RIN2: variants seen among roughly 807,000 people sequenced by gnomAD.
RIN2 encodes the protein Ras and Rab interactor 2.
RIN2 carries 36 observed loss-of-function variants against 78.0 expected under a neutral mutation model. The ratio of observed to expected loss-of-function variants is 0.46; its 90% CI spans 0.35 to 0.61. The LOEUF is 0.61. RIN2 is among the 20% of genes least tolerant of loss of function. The pLI is 0.00. For synonymous variants in RIN2, 466 were observed against 466.8 expected, an observed-to-expected ratio of 1.00 and a Z score of 0.02; for missense variants, 1,087 against 1,159.7, an observed-to-expected ratio of 0.94 and a Z score of 0.91.
rs867832112 is a variant in RIN2 at position 20,002,304 on chromosome 20, C to T, written c.*1368C>T. On this transcript the variant is annotated 3_prime_UTR_variant, in exon 13 of 13. Coordinates refer to ENST00000255006, the MANE Select transcript of RIN2 (RefSeq NM_018993.4). The stretch of plus-strand genomic sequence containing the variant: ...TCATCTCATTTGGTTGGCTTTGTAC[C>T]TTGTACCTTTTTTAGCCTTGGCTTT... 6.5e-6 allele frequency: 1 copy of T among 152,702 alleles called. No homozygotes were observed. Among genetic ancestry groups the T allele is most frequent in the Non-Finnish European group, 1.5e-5 (1 of 68,030 alleles). The allele number at this position is 152,702 out of a possible 1,614,324, so 9.5% of individuals were successfully genotyped here. A position where few individuals can be genotyped will look rare whatever the true frequency, so the allele number is the denominator to read the frequency against.
chr20:19,797,982 G>T (rs1164766528), intron 1 of RIN2, among the ~76,000 whole-genome samples: 1 of 151,070 alleles, frequency 6.6e-6, no homozygotes, highest in South Asian at 2.1e-4. Context: ...CTCCTGAGTA[G>T]CTGGGACTAC....
intron 4 of RIN2, chr20:19,935,591 T>C (rs2040606892): frequency 1.0e-6 from 1 of 998,428 alleles, no homozygotes; most frequent in Non-Finnish European, 1.2e-6. Context: ...GAGGATGGAC[T>C]CATTTTGCAT....
chr20:19,931,709 C>CTTTTTTTTT (rs57734791), intron 3 of RIN2, among the ~76,000 whole-genome samples: 6 of 128,126 alleles, frequency 4.7e-5, no homozygotes, highest in African/African-American at 8.9e-5. Context: ...CTCGATTTGC[C>CTTTTTTTTT]TTTTTTTTTT....
intron 1 of RIN2, among the ~76,000 whole-genome samples, chr20:19,781,514 G>A (rs191012203): frequency 7.9e-5 from 12 of 152,232 alleles, no homozygotes; most frequent in Admixed American, 2.6e-4. Context: ...TGCAACCCCC[G>A]TCTTCTGGGT....
At chr20:19,826,342 T>A (rs2036089338) in intron 2 of RIN2, among the ~76,000 whole-genome samples, 1 of 151,848 alleles carries the variant, frequency 6.6e-6, no homozygotes, top group Admixed American at 6.6e-5. Context: ...CATGAACTAT[T>A]TCATTCAATA....
At chr20:19,842,276 G>A (rs1272076681) in intron 2 of RIN2, among the ~76,000 whole-genome samples, 1 of 150,992 alleles carries the variant, frequency 6.6e-6, no homozygotes. Flanking sequence ...AGGCTGGAGT[G>A]TAGTGGTGCG....
chr20:19,837,169 A>AC (rs1491093860), intron 2 of RIN2, among the ~76,000 whole-genome samples: 4,062 of 140,092 alleles, frequency 0.029, 66 homozygotes, highest in African/African-American at 0.055. Flanking sequence ...CGCCCCCCCC[A>AC]ACACACACAC....
At chr20:19,925,900 G>A (rs1015222368) in intron 3 of RIN2, among the ~76,000 whole-genome samples, 1 of 152,118 alleles carries the variant, frequency 6.6e-6, no homozygotes, top group Non-Finnish European at 1.5e-5. Context: ...CACACACACA[G>A]GTGACCATCA....
intron 2 of RIN2, chr20:19,871,890 T>C (rs1030186067): frequency 1.3e-5 from 2 of 152,228 alleles, no homozygotes; most frequent in Non-Finnish European, 2.9e-5. Context: ...TTGTGGACTC[T>C]TAAGTTATTT....
intron 4 of RIN2, among the ~76,000 whole-genome samples, chr20:19,945,606 C>G (rs186183222): frequency 1.2e-3 from 181 of 152,306 alleles, no homozygotes; most frequent in African/African-American, 4.1e-3. Context: ...TCTCCAATGT[C>G]TGGTATTGGT....
At chr20:19,831,984 T>A (rs1195053553) in intron 2 of RIN2, among the ~76,000 whole-genome samples, 1 of 152,128 alleles carries the variant, frequency 6.6e-6, no homozygotes, top group African/African-American at 2.4e-5. Context: ...ATAATAATAA[T>A]GATAGCAGAT....
chr20:19,851,833 G>C (rs939582020), intron 2 of RIN2, among the ~76,000 whole-genome samples: 1 of 152,134 alleles, frequency 6.6e-6, no homozygotes, highest in Non-Finnish European at 1.5e-5. Context: ...AGTCCCAGTA[G>C]AACTACCTAA....
chr20:19,845,574 A>AT (rs58960543), intron 2 of RIN2, among the ~76,000 whole-genome samples: 1,749 of 138,764 alleles, frequency 0.013, 12 homozygotes, highest in Non-Finnish European at 0.015. Context: ...CTACTTTTTG[A>AT]TTTTTTTTTT....
intron 2 of RIN2, among the ~76,000 whole-genome samples, chr20:19,840,770 C>T (rs536874682): frequency 5.3e-5 from 8 of 152,288 alleles, no homozygotes; most frequent in South Asian, 4.1e-4. Context: ...ATGCATGTTC[C>T]ACAAGCTCCT....
intron 3 of RIN2, among the ~76,000 whole-genome samples, chr20:19,921,661 G>A (rs563372771): frequency 1.3e-5 from 2 of 152,268 alleles, no homozygotes; most frequent in African/African-American, 4.8e-5. Flanking sequence ...AGGAAGGCTG[G>A]GGGTGTCCTA....
intron 2 of RIN2, among the ~76,000 whole-genome samples, chr20:19,841,793 G>T (rs2036585134): frequency 6.6e-6 from 1 of 152,200 alleles, no homozygotes; most frequent in Admixed American, 6.5e-5. Flanking sequence ...CAGAAGAAAA[G>T]TTTGAAGCTA....
At chr20:19,766,149 A>G (rs1273823902) in intron 1 of RIN2, among the ~76,000 whole-genome samples, 2 of 152,124 alleles carry the variant, frequency 1.3e-5, no homozygotes, top group African/African-American at 4.8e-5. Context: ...GCACCCACCC[A>G]TCCTCTCTGT....
chr20:19,942,172 G>C (rs6106157), intron 4 of RIN2, among the ~76,000 whole-genome samples: 15,495 of 150,924 alleles, frequency 0.1, 903 homozygotes, highest in East Asian at 0.27. Context: ...AATACCATGA[G>C]AGTGGAGCCT....
intron 2 of RIN2, among the ~76,000 whole-genome samples, chr20:19,829,811 G>T (rs562071824): frequency 3.3e-5 from 5 of 152,172 alleles, no homozygotes; most frequent in African/African-American, 1.2e-4. Flanking sequence ...GACCCCCTCA[G>T]GGCTGCTGCT....
Sources: allele counts gnomAD v4.1 joint callset (sites outside exome capture counted in the v4.1 genomes callset), GRCh38; gene constraint gnomAD v4.1.1; transcripts MANE v1.5; gene names NCBI Gene and HGNC (gene_info 2026-07-23, HGNC 2026-07-21).